TBC1D25: variants seen among roughly 807,000 people sequenced by gnomAD.
TBC1D25 encodes 5SN3 snoRNA.
Under a neutral mutation model 38.8 loss-of-function variants are expected in TBC1D25, and 13 were observed. That is an observed-to-expected ratio of 0.34 (90% confidence interval 0.22 to 0.53). TBC1D25 has a LOEUF of 0.53. Among genes scored for constraint, TBC1D25 ranks in the 20% least tolerant of loss-of-function variants. The pLI, the probability that TBC1D25 is intolerant of heterozygous loss-of-function variation, is 0.94. For synonymous variants in TBC1D25, 225 were observed against 255.6 expected, an observed-to-expected ratio of 0.88 and a Z score of 1.14; for missense variants, 372 against 600.0, an observed-to-expected ratio of 0.62 and a Z score of 3.97.
chrX:48,559,719 G>T lies in TBC1D25; in HGVS notation c.811G>T (p.Glu271Ter). The part of the protein sequence containing the change: ...KSREYEQLKS[E>*]WAQRANPEDL... ...CCGCGAGTATGAGCAGCTCAAGAGC[G>T]AGTGGGCCCAGCGAGCGAACCCTGA... Residue 271 changes from glutamate to a stop codon, truncating the protein, a stop_gained, in exon 6 of 6, where the codon GAG becomes TAG. Coordinates refer to ENST00000376771, the MANE Select transcript of TBC1D25 (RefSeq NM_002536.4). LOFTEE classifies it high-confidence loss of function. 1 of 1,211,856 alleles carries T rather than the reference G, an allele frequency of 8.3e-7. No homozygotes were observed. The highest frequency in any genetic ancestry group is 1.1e-6 in the Non-Finnish European group (1 of 895,531).
At chrX:48,559,413 G>A in intron 5 of TBC1D25, 67 bp downstream of exon 5, 1 of 1,142,280 alleles carries the variant, frequency 8.8e-7, no homozygotes, top group Non-Finnish European at 1.2e-6. Flanking sequence ...TGAGACACAT[G>A]CAGTCAGCCA....
At chrX:48,548,590 C>T (rs1602107214) in intron 3 of TBC1D25, among the ~76,000 whole-genome samples, 2 of 111,678 alleles carry the variant, frequency 1.8e-5, no homozygotes, top group East Asian at 5.6e-4. Context: ...TCTTTCATTA[C>T]CCAGTAAATA....
Position 48,560,974 on chromosome X carries a change from G to C in TBC1D25, c.2066G>C (p.Ter689SerextTer23), listed in dbSNP as rs782490231. The C allele has an allele frequency of 8.4e-7, 1 of 1,184,805 alleles. No homozygotes were observed. Among genetic ancestry groups the C allele is most frequent in the Admixed American group, 2.2e-5 (1 of 44,506 alleles). The change falls in exon 6 of 6, where the codon TGA (stop) becomes TCA (serine). Residue 689 changes from the stop codon to serine, a stop_lost. Coordinates refer to ENST00000376771, the MANE Select transcript of TBC1D25 (RefSeq NM_002536.4). Reference sequence around the variant, plus strand: ...GGGGCTGAGGCCACAGCCGCATCTTGATCAGGCTTTCTCAAGCCCTCCATC... The same window carrying C: ...GGGGCTGAGGCCACAGCCGCATCTTCATCAGGCTTTCTCAAGCCCTCCATC... ...EEGAEATAAS[*>S]
chrX:48,558,660 ATTAC>A (rs1399919757), intron 3 of TBC1D25, among the ~76,000 whole-genome samples: 1 of 112,377 alleles, frequency 8.9e-6, no homozygotes, highest in Non-Finnish European at 1.9e-5. Context: ...CTCAATAAAT[ATTAC>A]TTTATATCAT....
chrX:48,558,204 T>C (rs1244028526), intron 3 of TBC1D25, among the ~76,000 whole-genome samples: 3 of 110,226 alleles, frequency 2.7e-5, no homozygotes, highest in Non-Finnish European at 5.7e-5. Flanking sequence ...TGGACTAGGG[T>C]GAATGAAGTT....
intron 2 of TBC1D25, among the ~76,000 whole-genome samples, chrX:48,542,600 G>A (rs1327622717): frequency 9.4e-6 from 1 of 106,838 alleles, no homozygotes; most frequent in Non-Finnish European, 1.9e-5. Context: ...TGATTCTCAT[G>A]CCTCAGCCTC....
rs192939357 is a variant in TBC1D25 at position 48,548,658 on chromosome X, T to C, written c.388+3635T>C. Among the ~76,000 whole-genome samples, 21 of 111,777 alleles carry C rather than the reference T, an allele frequency of 1.9e-4. No individual in the cohort carries two copies. The East Asian group carries it at 4.5e-3, about 24-fold the overall frequency. ...ATGCTGAAGTCTCCTGGGAACGCTA[T>C]GCCTAATCTCAATCCCCTACCCTAC... On this transcript the variant is annotated intron_variant, in intron 3 of 5. Transcript: ENST00000376771.
chrX:48,559,356 C>G lies in TBC1D25; in HGVS notation c.705+10C>G. The G allele has an allele frequency of 8.3e-7, 1 of 1,201,507 alleles. No homozygotes were observed. On this transcript the variant is annotated intron_variant, in intron 5 of 5. Coordinates refer to ENST00000376771, the MANE Select transcript of TBC1D25 (RefSeq NM_002536.4). The stretch of plus-strand genomic sequence containing the variant: ...GCCCTCGCTGCGAAAGGTGAGCATC[C>G]TCAGTCATCTGTTGGGTCCATCACT...
In TBC1D25 at chrX:48,560,765, G is replaced by T. The variant is rs924283776; in HGVS notation, c.1857G>T (p.Leu619=). ...TTGGCCGGGGGAACCCATTCATGCT[G>T]TTCCTCTGCCTGGCCATCCTGCTGG... The part of the protein sequence containing the change: ...QEFGRGNPFM[L]FLCLAILLEH... Residue 619 remains leucine (L), a synonymous_variant, in exon 6 of 6, where the codon CTG becomes CTT. Coordinates refer to ENST00000376771, the MANE Select transcript of TBC1D25 (RefSeq NM_002536.4). 1 of 1,211,680 alleles carries T rather than the reference G, an allele frequency of 8.3e-7. No homozygotes were observed. The highest frequency in any genetic ancestry group is 1.1e-6 in the Non-Finnish European group (1 of 895,181).
chrX:48,560,781 A>G lies in TBC1D25; in HGVS notation c.1873A>G (p.Ile625Val). The change falls in exon 6 of 6, where the codon ATC becomes GTC. Residue 625 changes from isoleucine (I) to valine (V), a missense_variant. Transcript: ENST00000376771. ...ATTCATGCTGTTCCTCTGCCTGGCC[A>G]TCCTGCTGGAGCACCGCGACCACAT... is the stretch of plus-strand genomic sequence containing the variant. ...NPFMLFLCLA[I>V]LLEHRDHIMR... The G allele has an allele frequency of 8.3e-7, 1 of 1,211,676 alleles. No individual in the cohort carries two copies.
At chrX:48,546,043 C>G (rs2061880745) in intron 3 of TBC1D25, among the ~76,000 whole-genome samples, 1 of 108,380 alleles carries the variant, frequency 9.2e-6, no homozygotes, top group South Asian at 4.0e-4. Flanking sequence ...AACCCTGTCT[C>G]TACTAAAAAA....
chrX:48,542,024 TTC>T (rs1271108048), intron 2 of TBC1D25, among the ~76,000 whole-genome samples: 5 of 75,032 alleles, frequency 6.7e-5, no homozygotes, highest in African/African-American at 2.1e-4. Flanking sequence ...TCCTTTTTAT[TTC>T]TTTTTTTTTT....
Position 48,559,668 on chromosome X carries a change from C to T in TBC1D25, c.760C>T (p.Arg254Trp), listed in dbSNP as rs2062005052. ...TCCAGATGGACTGACAGGCCGAGAG[C>T]GGATGGACTACATGAAACGCAAGAG... is the stretch of plus-strand genomic sequence containing the variant. ...VYPDGLTGRE[R>W]MDYMKRKSRE... The change falls in exon 6 of 6, where the codon CGG becomes TGG. Residue 254 changes from arginine (R) to tryptophan (W), a missense_variant. This residue lies in a region of TBC1D25 where 312 missense variants were observed against 549.3 expected (regional missense o/e 0.57). Coordinates refer to ENST00000376771, the MANE Select transcript of TBC1D25 (RefSeq NM_002536.4). 3 of 1,211,464 alleles carry T rather than the reference C, an allele frequency of 2.5e-6. No homozygotes were observed. Among genetic ancestry groups the T allele is most frequent in the Non-Finnish European group, 3.4e-6 (3 of 895,394 alleles).
intron 3 of TBC1D25, among the ~76,000 whole-genome samples, chrX:48,551,539 G>C (rs782032555): frequency 1.4e-4 from 15 of 110,736 alleles, no homozygotes; most frequent in South Asian, 3.8e-4. Flanking sequence ...TGTTGGCCAG[G>C]ACGGTCTCGA....
At position 48,559,836 on chromosome X, in the gene TBC1D25, C is replaced by T; in HGVS notation, c.928C>T (p.His310Tyr). The change falls in exon 6 of 6, where the codon CAT becomes TAT. Residue 310 changes from histidine to tyrosine, a missense_variant. By Grantham distance (83) the His-to-Tyr change is moderately conservative. Around this residue, in one of 2 missense-constraint regions of TBC1D25, gnomAD observed 312 missense variants for 549.3 expected, o/e 0.57. Transcript: ENST00000376771. Reference protein sequence around the residue: ...PYYAGPEDGPHLRALHDLLTT... With the variant: ...PYYAGPEDGPYLRALHDLLTT... ...CTATGCGGGGCCTGAGGATGGCCCA[C>T]ATCTACGGGCGCTGCACGACCTGCT... The T allele has an allele frequency of 8.3e-7, 1 of 1,211,860 alleles. No individual in the cohort carries two copies. The highest frequency in any genetic ancestry group is 1.1e-6 in the Non-Finnish European group (1 of 895,556).
chrX:48,545,039 C>T lies in TBC1D25; in HGVS notation c.388+16C>T, dbSNP rs782554958. On this transcript the variant is annotated intron_variant, in intron 3 of 5. Coordinates refer to ENST00000376771, the MANE Select transcript of TBC1D25 (RefSeq NM_002536.4). ...TCGGAGGACAGTGAGTACTCAGTGC[C>T]CCCAGGAGCACTGCTCTGGAACCCC... 2.5e-6 allele frequency: 3 copies of T among 1,208,718 alleles called. No individual in the cohort carries two copies. Among genetic ancestry groups the T allele is most frequent in the South Asian group, 3.5e-5 (2 of 56,854 alleles).
chrX:48,545,580 C>T (rs2061876880), intron 3 of TBC1D25, among the ~76,000 whole-genome samples: 1 of 111,987 alleles, frequency 8.9e-6, no homozygotes, highest in Admixed American at 9.6e-5. Flanking sequence ...TTTCTCTTCT[C>T]ATCTTTGTTC....
rs782448810 is a variant in TBC1D25 at position 48,556,784 on chromosome X, T to G, written c.389-2113T>G. ...AAAAAAAAAAGCCAGCCACTGGACA[T>G]TGCCATTGTTGGCTTAGTAGCCCTC... On this transcript the variant is annotated intron_variant, in intron 3 of 5. Transcript: ENST00000376771. Among the ~76,000 whole-genome samples, 340 of 106,199 alleles carry G rather than the reference T, an allele frequency of 3.2e-3. 2 individuals carry two copies. Among genetic ancestry groups the G allele is most frequent in the South Asian group, 0.01 (24 of 2,364 alleles). 92.2% of individuals were successfully genotyped at this position (106,199 alleles called of 115,157 possible).
At chrX:48,545,847 C>T (rs2061879206) in intron 3 of TBC1D25, among the ~76,000 whole-genome samples, 1 of 111,681 alleles carries the variant, frequency 9.0e-6, no homozygotes, top group Non-Finnish European at 1.9e-5. Context: ...CTAGTGAGGG[C>T]TTTCTTGCTG....
Sources: allele counts gnomAD v4.1 joint callset (sites outside exome capture counted in the v4.1 genomes callset), GRCh38; gene constraint gnomAD v4.1.1; regional missense constraint gnomAD v4.1.1; transcripts MANE v1.5; gene names NCBI Gene and HGNC (gene_info 2026-07-23, HGNC 2026-07-21).